ADAM12: variants seen among roughly 807,000 people sequenced by gnomAD.
ADAM12 encodes the protein disintegrin and metalloproteinase domain-containing protein 12.
A neutral mutation model predicts 106.4 loss-of-function variants in ADAM12; 70 were observed. The ratio of observed to expected loss-of-function variants is 0.66; its 90% CI spans 0.54 to 0.80. The LOEUF is 0.80. ADAM12 is among the 30% of genes least tolerant of loss of function. ADAM12 has a pLI of 0.00. For synonymous variants in ADAM12, 420 were observed against 433.5 expected (o/e 0.97, Z 0.39); for missense variants, 1,010 against 1,171.9 (o/e 0.86, Z 2.02).
At chr10:126,331,712 G>C (rs763909409) in intron 1 of ADAM12, among the ~76,000 whole-genome samples, 3 of 152,062 alleles carry the variant, frequency 2.0e-5, no homozygotes, top group Admixed American at 1.3e-4. Context: ...TGCAACCCTC[G>C]ACCGCATGGG....
Position 126,043,070 on chromosome 10 carries a change from T to C in ADAM12, c.2074A>G (p.Ser692Gly), listed in dbSNP as rs924532808. 1.2e-6 allele frequency: 2 copies of C among 1,614,188 alleles called. No individual in the cohort carries two copies. Among genetic ancestry groups the C allele is most frequent in the Non-Finnish European group, 1.7e-6 (2 of 1,180,024 alleles). The change falls in exon 18 of 23, where the codon AGC becomes GGC. Residue 692 changes from serine to glycine, a missense_variant. Physicochemically the swap from Ser to Gly is moderately conservative, Grantham distance 56. Around this residue, in one of 3 missense-constraint regions of ADAM12, gnomAD observed 615 missense variants for 708.5 expected, o/e 0.87. Coordinates refer to ENST00000448723, the MANE Select transcript of ADAM12 (RefSeq NM_001288973.2). The surrounding 1 kb of genome is among the most constrained non-coding windows in gnomAD (Gnocchi z 4.1). ...TGCCGGATGGGGCCGCTGTCTGTGC[T>C]TCCTCCAAAGCCAAACTTGTCACAG... Reference protein sequence around the residue: ...PFCDKFGFGGSTDSGPIRQAD... With the variant: ...PFCDKFGFGGGTDSGPIRQAD...
At chr10:126,366,918 A>G (rs1855932317) in intron 1 of ADAM12, among the ~76,000 whole-genome samples, 1 of 152,138 alleles carries the variant, frequency 6.6e-6, no homozygotes, top group African/African-American at 2.4e-5. Context: ...AAGAGTTTCA[A>G]AATACATCAA....
intron 8 of ADAM12, among the ~76,000 whole-genome samples, chr10:126,105,465 C>T (rs1319662156): frequency 2.0e-5 from 3 of 152,296 alleles, no homozygotes; most frequent in African/African-American, 7.2e-5. Context: ...AACTCGCTCA[C>T]CTTGGAGTGG....
chr10:126,109,267 C>A (rs1955826919), intron 7 of ADAM12, among the ~76,000 whole-genome samples: 2 of 152,088 alleles, frequency 1.3e-5, no homozygotes. Context: ...GCAGTAAATA[C>A]AGAGAAGATA....
At chr10:126,340,680 A>C (rs1854891685) in intron 1 of ADAM12, among the ~76,000 whole-genome samples, 1 of 148,904 alleles carries the variant, frequency 6.7e-6, no homozygotes, top group African/African-American at 2.5e-5. Flanking sequence ...CAGCCTCCTG[A>C]CCCCTTAATA....
chr10:126,168,565 C>T (rs751378908), intron 3 of ADAM12, among the ~76,000 whole-genome samples: 5 of 152,108 alleles, frequency 3.3e-5, no homozygotes, highest in African/African-American at 4.8e-5. Flanking sequence ...ACCATTTCTC[C>T]GGTCCCAGCC....
At chr10:126,128,603 T>C (rs1956245342) in intron 5 of ADAM12, among the ~76,000 whole-genome samples, 1 of 150,690 alleles carries the variant, frequency 6.6e-6, no homozygotes, top group African/African-American at 2.4e-5. Context: ...CGTGTGGGAA[T>C]GTGTGCAAGT....
rs571870167 is a variant in ADAM12, at chr10:126,276,893, T to C, written c.260+2022A>G. Among the ~76,000 whole-genome samples the C allele has an allele frequency of 7.2e-5, 11 of 152,346 alleles. No homozygotes were observed. In the South Asian group the frequency reaches 1.9e-3, roughly 26 times the overall value. On this transcript the variant is annotated intron_variant, in intron 3 of 22. Transcript: ENST00000448723. ...ACTCTCTAGCAGTCAACGTGTATTATAGTATCTGCAGTAATGGAAGGTACA... is the reference window on the plus strand; with the variant it reads ...ACTCTCTAGCAGTCAACGTGTATTACAGTATCTGCAGTAATGGAAGGTACA...
chr10:126,263,619 G>C (rs1959043126), intron 3 of ADAM12, among the ~76,000 whole-genome samples: 1 of 152,084 alleles, frequency 6.6e-6, no homozygotes, highest in South Asian at 2.1e-4. Context: ...GGGCGGGGAG[G>C]GGGGTGTATT....
chr10:126,028,499 A>C (rs984237203), intron 21 of ADAM12, among the ~76,000 whole-genome samples: 13 of 152,168 alleles, frequency 8.5e-5, no homozygotes, highest in Admixed American at 4.6e-4. Context: ...CCCAGGAATA[A>C]GACTGCACGC....
At chr10:126,246,350 T>C (rs1196900419) in intron 3 of ADAM12, among the ~76,000 whole-genome samples, 1 of 152,142 alleles carries the variant, frequency 6.6e-6, no homozygotes, top group Non-Finnish European at 1.5e-5. Context: ...CTCAGGAAAA[T>C]AGCCATAGAC....
chr10:126,036,926 G>C (rs1565000798), intron 20 of ADAM12, among the ~76,000 whole-genome samples: 1 of 151,840 alleles, frequency 6.6e-6, no homozygotes, highest in Non-Finnish European at 1.5e-5. Context: ...ATACAACTTG[G>C]TCATTTTTTG....
chr10:126,118,145 C>T lies in ADAM12; in HGVS notation c.496G>A (p.Ala166Thr). 6.2e-7 allele frequency: 1 copy of T among 1,614,086 alleles called. No homozygotes were observed. The highest frequency in any genetic ancestry group is 8.5e-7 in the Non-Finnish European group (1 of 1,179,942). ...CCCCGGACGCTTTTCAGCTTCTTCG[C>T]TGGGAAGAGTTTGTATCTGTTGGTT... ...SATNRYKLFP[A>T]KKLKSVRGSC... Residue 166 changes from alanine to threonine, a missense_variant, in exon 6 of 23, where the codon GCG (alanine) becomes ACG (threonine). Physicochemically the swap from Ala to Thr is moderately conservative, Grantham distance 58 (BLOSUM62 0). Around this residue, in one of 3 missense-constraint regions of ADAM12, gnomAD observed 391 missense variants for 442.9 expected, o/e 0.88. Coordinates refer to ENST00000448723, the MANE Select transcript of ADAM12 (RefSeq NM_001288973.2).
In ADAM12 at chr10:126,064,881, G is replaced by C; in HGVS notation, c.1534C>G (p.Gln512Glu). The change falls in exon 14 of 23, where the codon CAG becomes GAG. Residue 512 changes from glutamine (Q) to glutamate (E), a missense_variant. Coordinates refer to ENST00000448723, the MANE Select transcript of ADAM12 (RefSeq NM_001288973.2). The surrounding 1 kb of genome is among the most constrained non-coding windows in gnomAD (Gnocchi z 4.4). ...TTGTAGCAGTAGCCGTCCACATCCT[G>C]ACATGAGTGCCCATCGTGCAGGTAC... ...NVYLHDGHSC[Q>E]DVDGYCYNGI... The C allele has an allele frequency of 1.9e-6, 3 of 1,612,844 alleles. No individual in the cohort carries two copies. Among genetic ancestry groups the C allele is most frequent in the Non-Finnish European group, 2.5e-6 (3 of 1,179,560 alleles).
chr10:126,188,467 T>C (rs1239246498), intron 3 of ADAM12, among the ~76,000 whole-genome samples: 5 of 152,204 alleles, frequency 3.3e-5, no homozygotes, highest in Admixed American at 1.3e-4. Flanking sequence ...CCATCTGTTT[T>C]TTTCCTTCAG....
At chr10:126,042,109 C>T (rs899118852) in intron 18 of ADAM12, 29 of 1,611,482 alleles carry the variant, frequency 1.8e-5, no homozygotes, top group Middle Eastern at 1.7e-4. Flanking sequence ...GCACTGGTCA[C>T]GGTCTCCATG....
intron 21 of ADAM12, among the ~76,000 whole-genome samples, chr10:126,034,191 TG>T: frequency 6.6e-6 from 1 of 152,228 alleles, no homozygotes; most frequent in East Asian, 1.9e-4. Context: ...ACATACATAC[TG>T]TAATCTTTAG....
intron 12 of ADAM12, among the ~76,000 whole-genome samples, chr10:126,067,533 C>T (rs1954896425): frequency 6.6e-6 from 1 of 152,252 alleles, no homozygotes; most frequent in Non-Finnish European, 1.5e-5. Context: ...CTTTATAATG[C>T]TGTGCTCCAC....
chr10:126,204,350 G>A (rs1957757364), intron 3 of ADAM12, among the ~76,000 whole-genome samples: 1 of 152,214 alleles, frequency 6.6e-6, no homozygotes. Context: ...CTGTGACTAG[G>A]AGAAAGCCCA....
Sources: allele counts gnomAD v4.1 joint callset (sites outside exome capture counted in the v4.1 genomes callset), GRCh38; gene constraint gnomAD v4.1.1; regional missense constraint gnomAD v4.1.1; non-coding constraint Gnocchi (gnomAD v3.1); transcripts MANE v1.5; gene names NCBI Gene and HGNC (gene_info 2026-07-23, HGNC 2026-07-21).